Variants in ODF2L observed in about 807,000 individuals in gnomAD.
The protein encoded by ODF2L is protein BCAP.
Under a neutral mutation model 86.3 loss-of-function variants are expected in ODF2L, and 76 were observed. The ratio of observed to expected loss-of-function variants is 0.88; its 90% CI spans 0.73 to 1.07. ODF2L has a LOEUF of 1.07. Ranked by LOEUF, ODF2L falls within the 50% of genes least tolerant of loss-of-function variation. The probability of loss-of-function intolerance (pLI) is 0.00; values close to 1 mark genes in which losing one functional copy is unlikely to be tolerated. For missense variants in ODF2L, 748 were observed against 717.4 expected (o/e 1.04, Z -0.49); for synonymous variants, 241 against 231.3 (o/e 1.04, Z -0.38).
intron 7 of ODF2L, among the ~76,000 whole-genome samples, chr1:86,380,745 ATCATTC>A (rs1485674377): frequency 6.6e-6 from 1 of 152,150 alleles, no homozygotes; most frequent in African/African-American, 2.4e-5. Flanking sequence ...TATACAGACA[ATCATTC>A]TCAGTCTCTT....
intron 7 of ODF2L, among the ~76,000 whole-genome samples, chr1:86,379,904 C>T (rs796454243): frequency 3.3e-5 from 5 of 152,174 alleles, no homozygotes; most frequent in African/African-American, 9.6e-5. Flanking sequence ...CTCTTGGTGA[C>T]ATGATGAGAG....
intron 11 of ODF2L, among the ~76,000 whole-genome samples, chr1:86,366,961 A>C (rs139806431): frequency 0.015 from 2,252 of 152,308 alleles, 19 homozygotes; most frequent in Non-Finnish European, 0.022. Flanking sequence ...GGTAAAGGAC[A>C]TGAGTCTTTG....
intron 2 of ODF2L, chr1:86,386,122 G>A (rs1302905451): frequency 1.3e-5 from 2 of 152,334 alleles, no homozygotes; most frequent in Non-Finnish European, 2.9e-5. Context: ...TCAACCAGAA[G>A]CTGGACTAAG....
chr1:86,380,325 A>G (rs1035125132), intron 7 of ODF2L, among the ~76,000 whole-genome samples: 3 of 152,150 alleles, frequency 2.0e-5, no homozygotes, highest in African/African-American at 7.2e-5. Flanking sequence ...AAGGAGCAAT[A>G]CATTCTTAAA....
At chr1:86,356,369 T>A (rs1322541640) in intron 14 of ODF2L, 75 bp downstream of exon 13, 1 of 1,194,512 alleles carries the variant, frequency 8.4e-7, no homozygotes, top group African/African-American at 1.5e-5. Context: ...CTGACATGAG[T>A]GCCCTCAACT....
intron 1 of ODF2L, among the ~76,000 whole-genome samples, chr1:86,393,144 G>A (rs1661447567): frequency 6.6e-6 from 1 of 152,180 alleles, no homozygotes; most frequent in South Asian, 2.1e-4. Flanking sequence ...ACTAACTTCA[G>A]ATGAATATGT....
At chr1:86,370,851 TCATA>T (rs1659743930) in intron 10 of ODF2L, among the ~76,000 whole-genome samples, 163 bp downstream of exon 10, 1 of 152,172 alleles carries the variant, frequency 6.6e-6, no homozygotes, top group Non-Finnish European at 1.5e-5. Context: ...ACAGTCAACT[TCATA>T]AATATTATTT....
At chr1:86,381,613 CG>C (rs951949363) in intron 7 of ODF2L, among the ~76,000 whole-genome samples, 2 of 148,688 alleles carry the variant, frequency 1.3e-5, no homozygotes, top group African/African-American at 4.9e-5. Context: ...TTGCCTTTGG[CG>C]GAAAAAAAAA....
At chr1:86,347,226 G>A (rs554218087), downstream of ODF2L, 3 of 152,106 alleles carry the variant, frequency 2.0e-5, no homozygotes, top group East Asian at 1.9e-4. Flanking sequence ...ACAGGAGTAC[G>A]AATACCTGCC....
chr1:86,388,367 T>A (rs545115060), intron 1 of ODF2L, among the ~76,000 whole-genome samples: 1 of 152,094 alleles, frequency 6.6e-6, no homozygotes, highest in Admixed American at 6.5e-5. Context: ...GCAATAGCTA[T>A]CCCCATACAG....
chr1:86,371,178 T>C, intron 9 of ODF2L, 25 bp from the exon 10 acceptor site: 1 of 1,289,862 alleles, frequency 7.8e-7, no homozygotes, highest in Non-Finnish European at 1.0e-6. Context: ...TGACACATTT[T>C]ATAAAAGTCA....
chr1:86,382,451 A>G, intron 6 of ODF2L, 93 bp from the exon 7 acceptor site: 1 of 1,546,026 alleles, frequency 6.5e-7, no homozygotes, highest in Non-Finnish European at 8.7e-7. Context: ...TTTAGGCACA[A>G]TCTAAACAGC....
At chr1:86,381,072 GA>G (rs986781972) in intron 7 of ODF2L, among the ~76,000 whole-genome samples, 3 of 151,990 alleles carry the variant, frequency 2.0e-5, no homozygotes, top group African/African-American at 7.2e-5. Flanking sequence ...GTGTGTGAGA[GA>G]AAATGTAGAA....
intron 11 of ODF2L, among the ~76,000 whole-genome samples, chr1:86,367,778 C>T (rs1425166089): frequency 1.3e-5 from 2 of 152,128 alleles, no homozygotes; most frequent in Middle Eastern, 3.2e-3. Flanking sequence ...GGTTATATAA[C>T]AAATTGTCAA....
intron 11 of ODF2L, among the ~76,000 whole-genome samples, chr1:86,368,193 C>T (rs749067087): frequency 6.6e-6 from 1 of 152,084 alleles, no homozygotes; most frequent in Non-Finnish European, 1.5e-5. Context: ...TTGTATATTG[C>T]CCTTAACATT....
chr1:86,379,383 T>C (rs1187388550), intron 7 of ODF2L, among the ~76,000 whole-genome samples: 3 of 152,214 alleles, frequency 2.0e-5, no homozygotes, highest in Admixed American at 6.5e-5. Context: ...AAAGATACTA[T>C]AGTGATTATG....
chr1:86,359,863 C>A (rs1658905140), intron 12 of ODF2L, among the ~76,000 whole-genome samples: 1 of 152,092 alleles, frequency 6.6e-6, no homozygotes, highest in African/African-American at 2.4e-5. Flanking sequence ...AGTGTGTTAA[C>A]CATCATGCAA....
chr1:86,355,238 C>T, intron 14 of ODF2L: 1 of 740,620 alleles, frequency 1.4e-6, no homozygotes, highest in Non-Finnish European at 2.3e-6. Flanking sequence ...TTCTGTTTCA[C>T]CTAAAAATAC....
At chr1:86,385,421 A>G (rs779778182) in intron 3 of ODF2L, 37 bp downstream of exon 3, 25 of 1,317,726 alleles carry the variant, frequency 1.9e-5, no homozygotes, top group Non-Finnish European at 2.5e-5. Context: ...GTATTATACT[A>G]GCTTTTCATT....
Sources: gnomAD v4.1 joint callset for allele counts (sites outside exome capture counted in the v4.1 genomes callset) on GRCh38, gnomAD v4.1.1 for gene constraint, MANE v1.5 for transcripts, NCBI Gene and HGNC (gene_info 2026-07-23, HGNC 2026-07-21) for gene names.